Variants in DNMT3A observed in about 807,000 individuals in gnomAD.
DNMT3A encodes DNA (cytosine-5)-methyltransferase 3A.
Under a neutral mutation model 117.6 loss-of-function variants are expected in DNMT3A, and 267 were observed. That is an observed-to-expected ratio of 2.27 (90% CI 2.05 to 2.51). DNMT3A has a LOEUF of 2.51. Ranked by LOEUF, DNMT3A falls within the 30% of genes most tolerant of loss-of-function variation. The probability of loss-of-function intolerance (pLI) is 0.00; values close to 1 mark genes in which losing one functional copy is unlikely to be tolerated. For synonymous variants in DNMT3A, 432 were observed against 474.8 expected (o/e 0.91, Z 1.17); for missense variants, 1,029 against 1,260.2 (o/e 0.82, Z 2.78).
chr2:25,236,067 C>CG lies in DNMT3A; in HGVS notation c.2479-243_2479-242insC, dbSNP rs1553409128. On this transcript the variant is annotated intron_variant, in intron 21 of 22. Coordinates refer to ENST00000321117, the MANE Select transcript of DNMT3A (RefSeq NM_022552.5). The surrounding 1 kb of genome is among the most constrained non-coding windows in gnomAD (Gnocchi z 4.5). ...AATCTTAGATCCATCTAGCCACAGA[C>CG]TTTTTTTTTTTTTTTTGAGACGGAG... Among the ~76,000 whole-genome samples the CG allele has an allele frequency of 7.0e-6, 1 of 142,192 alleles. No homozygotes were observed. Among genetic ancestry groups the CG allele is most frequent in the Non-Finnish European group, 1.6e-5 (1 of 64,516 alleles). 93.3% of individuals were successfully genotyped at this position (142,192 alleles called of 152,430 possible). A position where few individuals can be genotyped will look rare whatever the true frequency, so the allele number is the denominator to read the frequency against.
intron 4 of DNMT3A, among the ~76,000 whole-genome samples, chr2:25,280,861 G>A (rs1427976450): frequency 6.6e-6 from 1 of 152,182 alleles, no homozygotes; most frequent in African/African-American, 2.4e-5. Context: ...AAACCCTCAA[G>A]GCCAGAGAAC....
chr2:25,341,591 T>C (rs1384118323), intron 1 of DNMT3A, among the ~76,000 whole-genome samples: 2 of 146,204 alleles, frequency 1.4e-5, no homozygotes, highest in Non-Finnish European at 3.0e-5. Context: ...AGGGGGCGCC[T>C]GCCGAGCCCG....
rs774056282 is a variant in DNMT3A at position 25,252,149 on chromosome 2, G to C, written c.640-3897C>G. The C allele has an allele frequency of 9.7e-6, 15 of 1,548,532 alleles. No homozygotes were observed. Among genetic ancestry groups the C allele is most frequent in the Non-Finnish European group, 8.7e-7 (1 of 1,147,602 alleles). On this transcript the variant is annotated intron_variant, in intron 6 of 22. Transcript: ENST00000321117. The surrounding 1 kb of genome is among the most constrained non-coding windows in gnomAD (Gnocchi z 5.5). ...CGGAGATCCTCCCACCGGCCCTGCC[G>C]CCTCCCCGCCCCCGGTCTCCCCGGG... is the stretch of plus-strand genomic sequence containing the variant.
chr2:25,251,863 C>T, intron 6 of DNMT3A: 1 of 410,446 alleles, frequency 2.4e-6, no homozygotes, highest in Non-Finnish European at 4.4e-6. Flanking sequence ...AAGCTGCCTC[C>T]AACCCAACTC....
At position 25,234,282 on chromosome 2, in the gene DNMT3A, C is replaced by T. The variant is rs2149252137; in HGVS notation, c.2736G>A (p.Val912=). The T allele has an allele frequency of 3.1e-6, 5 of 1,612,920 alleles. No individual in the cohort carries two copies. Among genetic ancestry groups the T allele is most frequent in the Non-Finnish European group, 4.2e-6 (5 of 1,179,316 alleles). The change falls in exon 23 of 23, where the codon GTG becomes GTA. Residue 912 remains valine, a synonymous_variant. Coordinates refer to ENST00000321117, the MANE Select transcript of DNMT3A (RefSeq NM_022552.5). This position sits in a 1 kb window ranked among gnomAD's most constrained non-coding sequence, Gnocchi z 4.5. ...FAPLKEYFAC[V] is the part of the protein sequence containing the mutation. ...CCTCAGTTTGCCCCCATGTCCCTTA[C>T]ACACACGCAAAATACTCCTTCAGCG...
In DNMT3A at chr2:25,232,138, A is replaced by C. The variant is rs929966978; in HGVS notation, c.*2141T>G. 2 of 152,074 alleles carry C rather than the reference A, an allele frequency of 1.3e-5. No homozygotes were observed. The highest frequency in any genetic ancestry group is 4.8e-5 in the African/African-American group (2 of 41,398). 9.4% of individuals were successfully genotyped at this position (152,074 alleles called of 1,614,324 possible). On this transcript the variant is annotated 3_prime_UTR_variant, in exon 23 of 23. Coordinates refer to ENST00000321117, the MANE Select transcript of DNMT3A (RefSeq NM_022552.5). The surrounding 1 kb of genome is among the most constrained non-coding windows in gnomAD (Gnocchi z 4.1). ...CATGACCCTATCTATGTATTTATAG[A>C]GCGCCTATCACTGTAGGCCCCATCT...
chr2:25,243,990 G>GT lies in DNMT3A; in HGVS notation c.1852-9dup. On this transcript the variant is annotated splice_polypyrimidine_tract_variant and intron_variant, in intron 15 of 22. Coordinates refer to ENST00000321117, the MANE Select transcript of DNMT3A (RefSeq NM_022552.5). ...GTAAACCTTTGGAGGGTCCTAAGCA[G>GT]TGAGCACAACAGGTCAGATGCAGGC... 6.4e-7 allele frequency: 1 copy of GT among 1,554,730 alleles called. No homozygotes were observed. The highest frequency in any genetic ancestry group is 8.7e-7 in the Non-Finnish European group (1 of 1,148,984).
intron 6 of DNMT3A, 93 bp from the exon 7 acceptor site, chr2:25,248,345 G>T (rs898045268): frequency 4.3e-6 from 6 of 1,401,590 alleles, no homozygotes; most frequent in South Asian, 1.3e-5. Context: ...TCAAAACCCG[G>T]AACAGTGACA....
intron 12 of DNMT3A, 59 bp from the exon 13 acceptor site, chr2:25,245,391 G>A: frequency 6.6e-7 from 1 of 1,508,252 alleles, no homozygotes; most frequent in Non-Finnish European, 9.1e-7. Context: ...CCCTCCCCGG[G>A]CCGGAGCCCA....
chr2:25,331,164 A>G (rs1558747541), intron 1 of DNMT3A, among the ~76,000 whole-genome samples: 2 of 152,220 alleles, frequency 1.3e-5, no homozygotes, highest in African/African-American at 2.4e-5. Flanking sequence ...TGATCTTCCA[A>G]TGACACGCAG....
Position 25,244,236 on chromosome 2 carries a change from A to AC in DNMT3A, c.1769dup (p.Thr591TyrfsTer21). The AC allele has an allele frequency of 6.2e-7, 1 of 1,613,920 alleles. No homozygotes were observed. Among genetic ancestry groups the AC allele is most frequent in the Non-Finnish European group, 8.5e-7 (1 of 1,180,012 alleles). ...CTCGCCGCCGCAGCAGCCCGTAGGT[A>AC]CCCTTGTGCCCGCACATGTAGCAGT... On this transcript the variant is annotated frameshift_variant, in exon 15 of 23. Coordinates refer to ENST00000321117, the MANE Select transcript of DNMT3A (RefSeq NM_022552.5). LOFTEE classifies it high-confidence loss of function.
chr2:25,239,199 A>C lies in DNMT3A; in HGVS notation c.2339T>G (p.Ile780Ser), dbSNP rs370751539. ...SRFLESNPVM[I>S]DAKEVSAAHR... ...TGCAGCTGACACTTCTTTGGCATCAATCATCACAGGGTTGGACTACAAAAC... is the reference window on the plus strand; with the variant it reads ...TGCAGCTGACACTTCTTTGGCATCACTCATCACAGGGTTGGACTACAAAAC... Residue 780 changes from isoleucine to serine, a missense_variant, in exon 20 of 23, where the codon ATT becomes AGT. By Grantham distance (142) the Ile-to-Ser change is moderately radical. Coordinates refer to ENST00000321117, the MANE Select transcript of DNMT3A (RefSeq NM_022552.5). 3.1e-6 allele frequency: 5 copies of C among 1,613,748 alleles called. No individual in the cohort carries two copies. Among genetic ancestry groups the C allele is most frequent in the African/African-American group, 1.3e-5 (1 of 74,902 alleles).
chr2:25,240,693 C>T lies in DNMT3A; in HGVS notation c.2120G>A (p.Gly707Asp), dbSNP rs927337009. The stretch of plus-strand genomic sequence containing the variant: ...GATGGAGAGGTCATTGCAGGGACTG[C>T]CCCCAATCACCAGATCGAATGGGCC... The part of the protein sequence containing the change: ...EWGPFDLVIG[G>D]SPCNDLSIVN... Residue 707 changes from glycine to aspartate, a missense_variant, in exon 18 of 23, where the codon GGC becomes GAC. Physicochemically the swap from Gly to Asp is moderately conservative, Grantham distance 94 (BLOSUM62 -1). Transcript: ENST00000321117. 13 of 1,614,000 alleles carry T rather than the reference C, an allele frequency of 8.1e-6. No individual in the cohort carries two copies. Among genetic ancestry groups the T allele is most frequent in the African/African-American group, 2.7e-5 (2 of 74,926 alleles).
At chr2:25,255,621 T>C (rs192189561) in intron 6 of DNMT3A, among the ~76,000 whole-genome samples, 106 of 152,370 alleles carry the variant, frequency 7.0e-4, no homozygotes, top group Admixed American at 2.3e-3. Context: ...GACACCTCTC[T>C]GCCCTGATCC....
intron 2 of DNMT3A, among the ~76,000 whole-genome samples, chr2:25,308,571 G>T (rs537393544): frequency 6.6e-6 from 1 of 152,032 alleles, no homozygotes; most frequent in Admixed American, 6.5e-5. Flanking sequence ...TAACTCCCCC[G>T]AGATCAGAGT....
chr2:25,322,268 C>G (rs146853743), intron 1 of DNMT3A, among the ~76,000 whole-genome samples: 1 of 152,046 alleles, frequency 6.6e-6, no homozygotes. Flanking sequence ...AAAGGGCTTA[C>G]GTCCCAACTG....
rs777714440 is a variant in DNMT3A, at chr2:25,282,373, C to G, written c.448+68G>C. ...ATCCTTCCTGGGACCTGCTGGAGAG[C>G]CAAGTCCCTGACTCTCAGGGTATGC... is the stretch of plus-strand genomic sequence containing the variant. On this transcript the variant is annotated intron_variant, in intron 4 of 22. Coordinates refer to ENST00000321117, the MANE Select transcript of DNMT3A (RefSeq NM_022552.5). The surrounding 1 kb of genome is among the most constrained non-coding windows in gnomAD (Gnocchi z 5.2). The G allele has an allele frequency of 8.3e-6, 13 of 1,560,666 alleles. 1 individual carries two copies. The highest frequency in any genetic ancestry group is 2.0e-4 in the Middle Eastern group (1 of 4,942).
chr2:25,249,950 C>A (rs183739962), intron 6 of DNMT3A, among the ~76,000 whole-genome samples: 2 of 152,320 alleles, frequency 1.3e-5, no homozygotes, highest in Admixed American at 1.3e-4. Context: ...GATGAGCAAG[C>A]AACCTGGAGT....
rs1674382568 is a variant in DNMT3A at position 25,243,919 on chromosome 2, GAGA to G, written c.1912_1914del (p.Ser638del). The G allele has an allele frequency of 6.4e-7, 1 of 1,551,984 alleles. No individual in the cohort carries two copies. The highest frequency in any genetic ancestry group is 1.4e-5 in the African/African-American group (1 of 73,082). On this transcript the variant is annotated inframe_deletion, in exon 16 of 23. Transcript: ENST00000321117. ...TCACCTGTAGCGATTCCATCAAAGA[GAGA>G]CAGCACCCGGATGGGCTTCCTCTTC... is the stretch of plus-strand genomic sequence containing the variant.
Sources: gnomAD v4.1 joint callset for allele counts (sites outside exome capture counted in the v4.1 genomes callset) on GRCh38, gnomAD v4.1.1 for gene constraint, Gnocchi (gnomAD v3.1) non-coding constraint, MANE v1.5 for transcripts, NCBI Gene and HGNC (gene_info 2026-07-23, HGNC 2026-07-21) for gene names.